Variants in STPG1 observed in about 807,000 individuals in gnomAD.
STPG1 encodes sperm tail PG-rich repeat containing 1.
A neutral mutation model predicts 40.1 loss-of-function variants in STPG1; 33 were observed. That is an observed-to-expected ratio of 0.82 (90% CI 0.62 to 1.10). The LOEUF is 1.10. STPG1 is among the 50% of genes least tolerant of loss of function. The probability of loss-of-function intolerance (pLI) is 0.00; values close to 1 mark genes in which losing one functional copy is unlikely to be tolerated. For synonymous variants in STPG1, 150 were observed against 155.0 expected, an observed-to-expected ratio of 0.97 and a Z score of 0.24; for missense variants, 396 against 415.1, an observed-to-expected ratio of 0.95 and a Z score of 0.40.
intron 4 of STPG1, among the ~76,000 whole-genome samples, chr1:24,380,719 G>C (rs751060417): frequency 3.9e-5 from 6 of 152,140 alleles, no homozygotes; most frequent in Admixed American, 6.5e-5. Context: ...CTAGCATTTG[G>C]GGGGGTGTAG....
chr1:24,411,578 A>T (rs562926243), intron 1 of STPG1: 1 of 152,310 alleles, frequency 6.6e-6, no homozygotes, highest in Admixed American at 6.5e-5. Context: ...AGTAGCTAGG[A>T]CTACAGACAC....
rs112425146 is a variant in STPG1, at chr1:24,359,433, T to C, written c.929-814A>G. On this transcript the variant is annotated intron_variant, in intron 8 of 8. Coordinates refer to ENST00000337248, the MANE Select transcript of STPG1 (RefSeq NM_001199013.2). This position sits in a 1 kb window ranked among gnomAD's most constrained non-coding sequence, Gnocchi z 5.3. ...GTATGGAGCATTTGCATGTTTGCAA[T>C]GCTGAGTTCTCCTCGACTGACTAGA... Among the ~76,000 whole-genome samples, 2 of 152,344 alleles carry C rather than the reference T, an allele frequency of 1.3e-5. No homozygotes were observed. Among genetic ancestry groups the C allele is most frequent in the African/African-American group, 4.8e-5 (2 of 41,584 alleles).
rs746030063 is a variant in STPG1, at chr1:24,358,469, C to G, written c.*74G>C. ...CTGCCACACTCATGATCGGTCTCCT[C>G]CTGAGGAATGTCCTGGGGACGCTGG... On this transcript the variant is annotated 3_prime_UTR_variant, in exon 9 of 9. Coordinates refer to ENST00000337248, the MANE Select transcript of STPG1 (RefSeq NM_001199013.2). 16 of 1,291,906 alleles carry G rather than the reference C, an allele frequency of 1.2e-5. No individual in the cohort carries two copies. Among genetic ancestry groups the G allele is most frequent in the Non-Finnish European group, 1.8e-5 (16 of 886,066 alleles). 80.0% of individuals were successfully genotyped at this position (1,291,906 alleles called of 1,614,324 possible). A position where few individuals can be genotyped will look rare whatever the true frequency, so the allele number is the denominator to read the frequency against.
At chr1:24,404,827 G>C (rs192633604) in intron 1 of STPG1, among the ~76,000 whole-genome samples, 177 of 152,166 alleles carry the variant, frequency 1.2e-3, no homozygotes, top group African/African-American at 2.1e-3. Flanking sequence ...CCAATGTATT[G>C]ATTTTTTCAG....
intron 7 of STPG1, among the ~76,000 whole-genome samples, chr1:24,367,344 A>G (rs1371011475): frequency 6.6e-6 from 1 of 152,254 alleles, no homozygotes; most frequent in Non-Finnish European, 1.5e-5. Flanking sequence ...CAGATAAAGC[A>G]GTTAAAAATT....
chr1:24,403,392 G>A (rs1570097473), intron 1 of STPG1, among the ~76,000 whole-genome samples: 1 of 151,982 alleles, frequency 6.6e-6, no homozygotes, highest in Admixed American at 6.6e-5. Flanking sequence ...TTTAAAATCA[G>A]GTAGTTCCAA....
chr1:24,373,910 A>C, intron 5 of STPG1, 100 bp from the exon 6 acceptor site: 1 of 834,866 alleles, frequency 1.2e-6, no homozygotes, highest in Non-Finnish European at 2.0e-6. Flanking sequence ...AAAAAATCAA[A>C]CCGAAACCTG....
chr1:24,364,217 G>A (rs773073578), intron 7 of STPG1: 32 of 1,539,202 alleles, frequency 2.1e-5, no homozygotes, highest in East Asian at 2.0e-4. Context: ...CGCCTGTCTC[G>A]CCACCCCCCA....
At chr1:24,381,854 T>C (rs1000742448) in intron 4 of STPG1, among the ~76,000 whole-genome samples, 1 of 151,822 alleles carries the variant, frequency 6.6e-6, no homozygotes, top group Non-Finnish European at 1.5e-5. Context: ...AAAGAGGCGG[T>C]GGGGTGGGGG....
chr1:24,400,755 C>G (rs756953585), intron 2 of STPG1, among the ~76,000 whole-genome samples: 12 of 152,292 alleles, frequency 7.9e-5, no homozygotes, highest in Non-Finnish European at 1.8e-4. Flanking sequence ...CGAACACTAG[C>G]AAAACCAAAG....
chr1:24,364,842 G>A (rs1175575596), intron 7 of STPG1, among the ~76,000 whole-genome samples: 1 of 152,232 alleles, frequency 6.6e-6, no homozygotes, highest in African/African-American at 2.4e-5. Context: ...AAGGCTCTGA[G>A]TTGGCCACAA....
chr1:24,402,032 A>G (rs188475933), intron 1 of STPG1, among the ~76,000 whole-genome samples: 282 of 152,332 alleles, frequency 1.9e-3, no homozygotes, highest in Non-Finnish European at 3.1e-3. Context: ...TGTATACACA[A>G]ATAAAATTCA....
intron 3 of STPG1, among the ~76,000 whole-genome samples, chr1:24,384,245 T>C (rs1056567530): frequency 2.0e-5 from 3 of 152,228 alleles, no homozygotes; most frequent in Non-Finnish European, 2.9e-5. Context: ...CTCTTTCCAC[T>C]ATGCCCTGCC....
intron 4 of STPG1, among the ~76,000 whole-genome samples, chr1:24,382,729 G>A (rs1317194194): frequency 4.0e-5 from 6 of 151,884 alleles, no homozygotes; most frequent in Admixed American, 6.6e-5. Context: ...TGCCAAATTC[G>A]AATTCCAATA....
intron 6 of STPG1, among the ~76,000 whole-genome samples, chr1:24,370,090 A>G (rs1641665112): frequency 6.6e-6 from 1 of 152,168 alleles, no homozygotes; most frequent in African/African-American, 2.4e-5. Context: ...CTTTCATTCT[A>G]CACATGGGAA....
intron 3 of STPG1, among the ~76,000 whole-genome samples, chr1:24,385,905 A>G (rs945747652): frequency 1.3e-5 from 2 of 152,180 alleles, no homozygotes; most frequent in Non-Finnish European, 2.9e-5. Context: ...GAATCTAGGA[A>G]AGCTGACACA....
Position 24,357,899 on chromosome 1 carries a change from C to T in STPG1, c.*644G>A. On this transcript the variant is annotated 3_prime_UTR_variant, in exon 9 of 9. Coordinates refer to ENST00000337248, the MANE Select transcript of STPG1 (RefSeq NM_001199013.2). ...GCGCAGCCCCCGGGCCCGGCCACTG[C>T]CATTCCAAGATGATCTCCCACTCCA... 1 of 322,776 alleles carries T rather than the reference C, an allele frequency of 3.1e-6. No individual in the cohort carries two copies. Among genetic ancestry groups the T allele is most frequent in the Non-Finnish European group, 6.1e-6 (1 of 163,232 alleles). 20.0% of individuals were successfully genotyped at this position (322,776 alleles called of 1,614,324 possible). A position where few individuals can be genotyped will look rare whatever the true frequency, so the allele number is the denominator to read the frequency against.
intron 2 of STPG1, chr1:24,391,995 A>G: frequency 3.8e-6 from 4 of 1,066,422 alleles, no homozygotes; most frequent in Non-Finnish European, 4.5e-6. Context: ...GGAAGGAGAC[A>G]GCAAAACTAT....
intron 8 of STPG1, among the ~76,000 whole-genome samples, chr1:24,360,333 C>G: frequency 6.6e-6 from 1 of 152,148 alleles, no homozygotes; most frequent in East Asian, 1.9e-4. Flanking sequence ...CCTGTAATTC[C>G]AGCTACTTGG....
Sources: gnomAD v4.1 joint callset for allele counts (sites outside exome capture counted in the v4.1 genomes callset) on GRCh38, gnomAD v4.1.1 for gene constraint, Gnocchi (gnomAD v3.1) non-coding constraint, MANE v1.5 for transcripts, NCBI Gene and HGNC (gene_info 2026-07-23, HGNC 2026-07-21) for gene names.